CCDC92: variants seen among roughly 807,000 people sequenced by gnomAD.
CCDC92 encodes coiled-coil domain containing 92.
CCDC92 carries 12 observed loss-of-function variants against 24.9 expected under a neutral mutation model. That is an observed-to-expected ratio of 0.48 (90% CI 0.31 to 0.78). The LOEUF (loss-of-function observed/expected upper bound fraction) is 0.78. Among genes scored for constraint, CCDC92 ranks in the 30% least tolerant of loss-of-function variants. The pLI is 0.05. For missense variants in CCDC92, 399 were observed against 439.4 expected (o/e 0.91, Z 0.82); for synonymous variants, 193 against 196.3 (o/e 0.98, Z 0.14).
In CCDC92 at chr12:123,943,618, T is replaced by G; in HGVS notation, c.35-125A>C. ...GAGAGCAGAAGGAAACCACGGCTCC[T>G]GAAGGGCAGGGTGTGGGGGCACCAG... is the stretch of plus-strand genomic sequence containing the variant. On this transcript the variant is annotated intron_variant, in intron 2 of 4. Transcript: ENST00000238156. The G allele has an allele frequency of 4.0e-6, 4 of 1,009,122 alleles. 1 individual carries two copies. In the South Asian group the frequency reaches 4.3e-5, roughly 11 times the overall value. 62.5% of individuals were successfully genotyped at this position (1,009,122 alleles called of 1,614,324 possible). A position where few individuals can be genotyped will look rare whatever the true frequency, so the allele number is the denominator to read the frequency against.
At chr12:123,944,227 C>T in intron 2 of CCDC92, 45 bp downstream of exon 2, 1 of 1,286,676 alleles carries the variant, frequency 7.8e-7, no homozygotes, top group Non-Finnish European at 1.1e-6. Flanking sequence ...CCCTCCCAGC[C>T]CCAGCTTCCA....
At chr12:123,959,025 A>C (rs908470338) in intron 1 of CCDC92, among the ~76,000 whole-genome samples, 1 of 152,192 alleles carries the variant, frequency 6.6e-6, no homozygotes. Context: ...TCCGCGAGCT[A>C]TAGCGGCATA....
Position 123,943,465 on chromosome 12 carries a change from T to C in CCDC92, c.63A>G (p.Thr21=). Residue 21 remains threonine (T), a synonymous_variant, in exon 3 of 5, where the codon ACA becomes ACG. Transcript: ENST00000238156. ...CGCTGTGCAGCTGGTTCTCCAGGTT[T>C]GTGGCTGCCATGCTGACATCCAGAG... ...EGPLDVSMAA[T]NLENQLHSAQ... 1 of 1,614,202 alleles carries C rather than the reference T, an allele frequency of 6.2e-7. No individual in the cohort carries two copies. The highest frequency in any genetic ancestry group is 8.5e-7 in the Non-Finnish European group (1 of 1,180,034).
At chr12:123,960,664 G>A (rs1019075214) in intron 1 of CCDC92, 2 of 152,222 alleles carry the variant, frequency 1.3e-5, no homozygotes, top group African/African-American at 4.8e-5. Flanking sequence ...CATGAGCTTG[G>A]ATGACGCTTT....
chr12:123,938,846 C>G (rs1394939240), intron 4 of CCDC92, among the ~76,000 whole-genome samples: 2 of 152,100 alleles, frequency 1.3e-5, no homozygotes, highest in Non-Finnish European at 2.9e-5. Context: ...CATCCCTGGC[C>G]TCCCCTCCCT....
intron 1 of CCDC92, among the ~76,000 whole-genome samples, chr12:123,947,039 G>A (rs988816036): frequency 6.6e-6 from 1 of 152,178 alleles, no homozygotes; most frequent in Non-Finnish European, 1.5e-5. Context: ...CCCGCACTCA[G>A]AGCAGCCAGC....
chr12:123,949,927 G>A (rs1389388029), intron 1 of CCDC92, among the ~76,000 whole-genome samples: 3 of 152,186 alleles, frequency 2.0e-5, no homozygotes, highest in East Asian at 1.9e-4. Flanking sequence ...TCATTCCAAA[G>A]TGCTATCCCT....
intron 4 of CCDC92, among the ~76,000 whole-genome samples, chr12:123,941,324 G>C (rs1955677117): frequency 6.6e-6 from 1 of 152,174 alleles, no homozygotes; most frequent in South Asian, 2.1e-4. Flanking sequence ...CTGAGGACAG[G>C]CTCCCATTCC....
At chr12:123,964,589 A>G (rs1009758780) in intron 1 of CCDC92, among the ~76,000 whole-genome samples, 2 of 152,232 alleles carry the variant, frequency 1.3e-5, no homozygotes, top group South Asian at 2.1e-4. Flanking sequence ...TTCATACAAA[A>G]AGTAGAATTT....
rs1166073087 is a variant in CCDC92 at position 123,936,260 on chromosome 12, A to C, written c.*798T>G. ...CAGAGGCAAAAGCAGCTTCCCACAG[A>C]AGCTCAGGAGCGCAGCACATTCTAA... On this transcript the variant is annotated 3_prime_UTR_variant, in exon 5 of 5. Transcript: ENST00000238156. The C allele has an allele frequency of 2.0e-5, 3 of 152,446 alleles. No homozygotes were observed. The highest frequency in any genetic ancestry group is 4.8e-5 in the African/African-American group (2 of 41,440). The allele number at this position is 152,446 out of a possible 1,614,324, so 9.4% of individuals were successfully genotyped here.
At chr12:123,948,402 G>A (rs911955533) in intron 1 of CCDC92, among the ~76,000 whole-genome samples, 2 of 152,188 alleles carry the variant, frequency 1.3e-5, no homozygotes, top group Non-Finnish European at 2.9e-5. Context: ...TTATAACAAC[G>A]CTGTGTGTCA....
chr12:123,958,185 C>T (rs1001484607), intron 1 of CCDC92, among the ~76,000 whole-genome samples: 4 of 152,094 alleles, frequency 2.6e-5, no homozygotes, highest in African/African-American at 9.7e-5. Flanking sequence ...TCCAGAGTAG[C>T]AGGGATGACA....
At chr12:123,952,370 G>C (rs557998645) in intron 1 of CCDC92, among the ~76,000 whole-genome samples, 44 of 152,290 alleles carry the variant, frequency 2.9e-4, no homozygotes, top group Admixed American at 4.6e-4. Context: ...AGAGCCACTG[G>C]GGGAGGCAAC....
chr12:123,935,679 G>A lies in CCDC92; in HGVS notation c.*1379C>T. 1 of 487,504 alleles carries A rather than the reference G, an allele frequency of 2.1e-6. No homozygotes were observed. Among genetic ancestry groups the A allele is most frequent in the East Asian group, 3.1e-5 (1 of 32,786 alleles). 30.2% of individuals were successfully genotyped at this position (487,504 alleles called of 1,614,324 possible). A position where few individuals can be genotyped will look rare whatever the true frequency, so the allele number is the denominator to read the frequency against. ...TGTTTTTAATACTACTTTTTAAAAG[G>A]AATTTATATAATCAAAAAGTAAATA... On this transcript the variant is annotated 3_prime_UTR_variant, in exon 5 of 5. Coordinates refer to ENST00000238156, the MANE Select transcript of CCDC92 (RefSeq NM_025140.3).
At chr12:123,963,911 ACAAGAATTTTAGACTCC>A in intron 1 of CCDC92, among the ~76,000 whole-genome samples, 1 of 152,218 alleles carries the variant, frequency 6.6e-6, no homozygotes, top group East Asian at 1.9e-4. Flanking sequence ...CGTAAACTTT[ACAAGAATTTTAGACTCC>A]CAATAAATTT....
intron 1 of CCDC92, among the ~76,000 whole-genome samples, chr12:123,970,672 T>C (rs1438543504): frequency 4.6e-5 from 7 of 152,258 alleles, no homozygotes; most frequent in African/African-American, 1.7e-4. Flanking sequence ...TTGAAGGACA[T>C]GGAATTCAGT....
At chr12:123,951,510 G>T (rs1215427087) in intron 1 of CCDC92, among the ~76,000 whole-genome samples, 1 of 152,202 alleles carries the variant, frequency 6.6e-6, no homozygotes, top group Non-Finnish European at 1.5e-5. Context: ...TGGTAGCTGT[G>T]AATGAGTTAT....
intron 1 of CCDC92, among the ~76,000 whole-genome samples, chr12:123,950,423 G>A (rs560252896): frequency 1.2e-4 from 18 of 152,230 alleles, no homozygotes; most frequent in South Asian, 4.1e-4. Flanking sequence ...AGGCACTGCC[G>A]ACCACCCAAT....
intron 1 of CCDC92, among the ~76,000 whole-genome samples, chr12:123,952,459 C>T (rs550873598): frequency 1.3e-5 from 2 of 152,186 alleles, no homozygotes; most frequent in South Asian, 2.1e-4. Context: ...TAGTACTTCA[C>T]GAGGCTAAAA....
Sources: allele counts gnomAD v4.1 joint callset (sites outside exome capture counted in the v4.1 genomes callset), GRCh38; gene constraint gnomAD v4.1.1; transcripts MANE v1.5; gene names NCBI Gene and HGNC (gene_info 2026-07-23, HGNC 2026-07-21).